FMNL1: variants seen among roughly 807,000 people sequenced by gnomAD.
The protein encoded by FMNL1 is formin like 1, also known as formin-like protein 1.
FMNL1 carries 43 observed loss-of-function variants against 121.3 expected under a neutral mutation model. That is an observed-to-expected ratio of 0.35 (90% CI 0.28 to 0.46). The LOEUF (loss-of-function observed/expected upper bound fraction) is 0.46, where lower values mean the gene tolerates loss of function less well. Among genes scored for constraint, FMNL1 ranks in the 20% least tolerant of loss-of-function variants. FMNL1 has a pLI of 1.00. For synonymous variants in FMNL1, 613 were observed against 613.5 expected (o/e 1.00, Z 0.01); for missense variants, 1,191 against 1,482.4 (o/e 0.80, Z 3.23).
At chr17:45,222,635 CTG>C (rs72343321) in intron 1 of FMNL1, among the ~76,000 whole-genome samples, 2,260 of 152,254 alleles carry the variant, frequency 0.015, 19 homozygotes, top group Non-Finnish European at 0.022. Context: ...CTTTCTGTGT[CTG>C]GAGTCAAAGA....
chr17:45,244,970 C>T lies in FMNL1; in HGVS notation c.2599-9C>T. ...GGTGGCCTGTGGCTTACAATGGGTC[C>T]TTGTGCAGCTGTTGGAGATGAAGTC... On this transcript the variant is annotated splice_polypyrimidine_tract_variant and intron_variant, in intron 20 of 26. Coordinates refer to ENST00000331495, the MANE Select transcript of FMNL1 (RefSeq NM_005892.4). 4 of 1,612,720 alleles carry T rather than the reference C, an allele frequency of 2.5e-6. No individual in the cohort carries two copies. Among genetic ancestry groups the T allele is most frequent in the South Asian group, 1.1e-5 (1 of 90,990 alleles).
At chr17:45,227,450 C>T (rs1480725137) in intron 1 of FMNL1, among the ~76,000 whole-genome samples, 1 of 152,094 alleles carries the variant, frequency 6.6e-6, no homozygotes, top group African/African-American at 2.4e-5. Flanking sequence ...GAATGGTCCC[C>T]ACACATTCTA....
At chr17:45,239,327 G>A (rs1362382243) in intron 11 of FMNL1, 5 of 464,352 alleles carry the variant, frequency 1.1e-5, no homozygotes, top group Middle Eastern at 6.0e-4. Context: ...CCAGTCTATG[G>A]AACTGTTTTT....
chr17:45,236,981 G>C (rs2043564179), intron 7 of FMNL1, among the ~76,000 whole-genome samples: 1 of 152,160 alleles, frequency 6.6e-6, no homozygotes, highest in Non-Finnish European at 1.5e-5. Flanking sequence ...AGTTGAGTGT[G>C]GTGGCAGGTG....
rs1598172388 is a variant in FMNL1, at chr17:45,222,120, C to T, written c.-5C>T. 1 of 1,161,654 alleles carries T rather than the reference C, an allele frequency of 8.6e-7. No homozygotes were observed. The highest frequency in any genetic ancestry group is 4.2e-5 in the East Asian group (1 of 23,992). 72.0% of individuals were successfully genotyped at this position (1,161,654 alleles called of 1,614,324 possible). A position where few individuals can be genotyped will look rare whatever the true frequency, so the allele number is the denominator to read the frequency against. Reference sequence around the variant, plus strand: ...AGGCGCCTGGCCGGCTGGGTGGGGACCACCATGGGCAACGCGGCCGGCAGC... The same window carrying T: ...AGGCGCCTGGCCGGCTGGGTGGGGATCACCATGGGCAACGCGGCCGGCAGC... On this transcript the variant is annotated 5_prime_UTR_variant, in exon 1 of 27. Transcript: ENST00000331495.
chr17:45,242,626 T>C (rs2043733554), intron 16 of FMNL1, among the ~76,000 whole-genome samples, 161 bp downstream of exon 16: 1 of 152,194 alleles, frequency 6.6e-6, no homozygotes, highest in African/African-American at 2.4e-5. Flanking sequence ...CCAATACCTC[T>C]AACAGGCAGA....
intron 1 of FMNL1, among the ~76,000 whole-genome samples, chr17:45,223,715 G>T (rs371528884): frequency 5.9e-5 from 9 of 152,192 alleles, no homozygotes; most frequent in Non-Finnish European, 1.0e-4. Context: ...CTGCATTGGT[G>T]GTGGGTCCTT....
intron 19 of FMNL1, 35 bp from the exon 20 acceptor site, chr17:45,244,784 G>T: frequency 6.3e-7 from 1 of 1,590,660 alleles, no homozygotes. Context: ...CCTCAGCTCT[G>T]GCATTCTGCT....
chr17:45,229,336 A>C (rs998591756), intron 1 of FMNL1, among the ~76,000 whole-genome samples: 5 of 152,184 alleles, frequency 3.3e-5, no homozygotes, highest in African/African-American at 1.2e-4. Flanking sequence ...TTTGGGGGTA[A>C]GGTCTGGCTG....
rs1246907369 is a variant in FMNL1, at chr17:45,233,436, C to T, written c.401+139C>T. ...GACCACCTCCTGGAGGTGTCCAGGA[C>T]AGCTTCCCCTCCCCTTCCTGCCCAT... On this transcript the variant is annotated intron_variant, in intron 4 of 26. Coordinates refer to ENST00000331495, the MANE Select transcript of FMNL1 (RefSeq NM_005892.4). The surrounding 1 kb of genome is among the most constrained non-coding windows in gnomAD (Gnocchi z 4.1). 13 of 1,026,550 alleles carry T rather than the reference C, an allele frequency of 1.3e-5. No homozygotes were observed. The highest frequency in any genetic ancestry group is 2.6e-5 in the East Asian group (1 of 38,358). 63.6% of individuals were successfully genotyped at this position (1,026,550 alleles called of 1,614,324 possible).
At position 45,247,304 on chromosome 17, in the gene FMNL1, A is replaced by C; in HGVS notation, c.*446A>C. On this transcript the variant is annotated 3_prime_UTR_variant, in exon 27 of 27. Coordinates refer to ENST00000331495, the MANE Select transcript of FMNL1 (RefSeq NM_005892.4). ...ACCTTATTTTTATATGAGATTAATA[A>C]AGATGTTTGCAAAAGATCCGCGTCG... is the stretch of plus-strand genomic sequence containing the variant. 3 of 272,690 alleles carry C rather than the reference A, an allele frequency of 1.1e-5. No individual in the cohort carries two copies. Among genetic ancestry groups the C allele is most frequent in the East Asian group, 6.6e-5 (1 of 15,106 alleles). 16.9% of individuals were successfully genotyped at this position (272,690 alleles called of 1,614,324 possible).
At chr17:45,243,695 T>C in intron 17 of FMNL1, 96 bp from the exon 18 acceptor site, 2 of 1,196,190 alleles carry the variant, frequency 1.7e-6, no homozygotes, top group Non-Finnish European at 2.3e-6. Flanking sequence ...TAGAAAATAC[T>C]GAAATTCATT....
intron 2 of FMNL1, 110 bp from the exon 3 acceptor site, chr17:45,232,257 A>G: frequency 1.1e-6 from 1 of 906,164 alleles, no homozygotes; most frequent in Non-Finnish European, 1.7e-6. Flanking sequence ...GTCTTAAGAA[A>G]GCCTGGGACC....
Position 45,239,052 on chromosome 17 carries a change from A to G in FMNL1, c.1067A>G (p.Asp356Gly). 1 of 1,614,038 alleles carries G rather than the reference A, an allele frequency of 6.2e-7. No homozygotes were observed. Among genetic ancestry groups the G allele is most frequent in the Non-Finnish European group, 8.5e-7 (1 of 1,179,918 alleles). The change falls in exon 11 of 27, where the codon GAC (aspartate) becomes GGC (glycine). Residue 356 changes from aspartate to glycine, a missense_variant. Coordinates refer to ENST00000331495, the MANE Select transcript of FMNL1 (RefSeq NM_005892.4). ...TATGAGTTCACCCACTTGGGCCTGG[A>G]CCTGTACTTGGAGGTAAGCCCTGTA... Reference protein sequence around the residue: ...LQYEFTHLGLDLYLERLRLTE... With the variant: ...LQYEFTHLGLGLYLERLRLTE...
Position 45,242,035 on chromosome 17 carries a change from C to G in FMNL1, c.1774C>G (p.Pro592Ala), listed in dbSNP as rs2043713270. The part of the protein sequence containing the change: ...GDLPPPPPPP[P>A]PPPGTDGPVP... ...CCTGCCGCCCCCACCCCCGCCACCG[C>G]CACCACCTCCGGGCACTGACGGGCC... Residue 592 changes from proline to alanine, a missense_variant, in exon 15 of 27, where the codon CCA (proline) becomes GCA (alanine). Pro to Ala is a conservative substitution (Grantham distance 27). Around this residue, in one of 4 missense-constraint regions of FMNL1, gnomAD observed 519 missense variants for 492.8 expected, o/e 1.05. Coordinates refer to ENST00000331495, the MANE Select transcript of FMNL1 (RefSeq NM_005892.4). 7.2e-7 allele frequency: 1 copy of G among 1,394,800 alleles called. No homozygotes were observed. The highest frequency in any genetic ancestry group is 1.5e-5 in the African/African-American group (1 of 64,938). 86.4% of individuals were successfully genotyped at this position (1,394,800 alleles called of 1,614,324 possible).
intron 11 of FMNL1, chr17:45,240,238 T>G (rs1280961849): frequency 2.0e-5 from 6 of 306,562 alleles, no homozygotes; most frequent in Non-Finnish European, 2.9e-5. Context: ...ATGACAATGT[T>G]CTGGAATTAG....
chr17:45,234,028 C>T, intron 5 of FMNL1, 44 bp from the exon 6 acceptor site: 1 of 1,606,930 alleles, frequency 6.2e-7, no homozygotes, highest in Non-Finnish European at 8.5e-7. Context: ...TCTTAAGTGG[C>T]CCCTGCAGTG....
intron 1 of FMNL1, among the ~76,000 whole-genome samples, chr17:45,228,700 A>C (rs746815130): frequency 3.9e-5 from 6 of 152,092 alleles, no homozygotes; most frequent in Non-Finnish European, 5.9e-5. Context: ...TGCCCCTAGA[A>C]ATGCCGCTGG....
chr17:45,223,088 A>G (rs973635011), intron 1 of FMNL1, among the ~76,000 whole-genome samples: 2 of 152,032 alleles, frequency 1.3e-5, no homozygotes. Context: ...AAGTAGGGAG[A>G]GGAAGAGCTG....
Sources: allele counts gnomAD v4.1 joint callset (sites outside exome capture counted in the v4.1 genomes callset), GRCh38; gene constraint gnomAD v4.1.1; regional missense constraint gnomAD v4.1.1; non-coding constraint Gnocchi (gnomAD v3.1); transcripts MANE v1.5; gene names NCBI Gene and HGNC (gene_info 2026-07-23, HGNC 2026-07-21).